The following SEZ6L2 variants were observed in gnomAD, a reference collection of about 807,000 sequenced individuals.
SEZ6L2 encodes seizure 6-like protein 2.
In SEZ6L2, 44 loss-of-function variants were observed where a neutral mutation model predicts 97.0. The observed-to-expected ratio is 0.45, with a 90% CI of 0.36 to 0.58. The LOEUF (loss-of-function observed/expected upper bound fraction) is 0.58. Among genes scored for constraint, SEZ6L2 ranks in the 20% least tolerant of loss-of-function variants. The pLI is 0.00. For synonymous variants in SEZ6L2, 543 were observed against 546.1 expected (o/e 0.99, Z 0.08); for missense variants, 1,086 against 1,233.3 (o/e 0.88, Z 1.79).
In SEZ6L2 at chr16:29,878,282, C is replaced by T; in HGVS notation, c.1712+5G>A. On this transcript the variant is annotated splice_donor_5th_base_variant and intron_variant, in intron 10 of 17. Transcript: ENST00000617533. ...CGTCGCACCCTCTGCAGGACCCAAA[C>T]ATACATCTCAACTTGGAGCAAGATG... The T allele has an allele frequency of 6.3e-7, 1 of 1,590,038 alleles. No individual in the cohort carries two copies. Among genetic ancestry groups the T allele is most frequent in the Non-Finnish European group, 8.6e-7 (1 of 1,166,256 alleles).
chr16:29,893,405 G>A (rs945921355), intron 5 of SEZ6L2, among the ~76,000 whole-genome samples: 2 of 152,002 alleles, frequency 1.3e-5, no homozygotes, highest in South Asian at 2.1e-4. Flanking sequence ...CCAGCACTTT[G>A]GGAGGCCAAG....
chr16:29,885,875 C>G (rs1227133105), intron 7 of SEZ6L2, 126 bp from the exon 8 acceptor site: 1 of 853,306 alleles, frequency 1.2e-6, no homozygotes, highest in East Asian at 2.7e-5. Flanking sequence ...ACGCACTCTT[C>G]TAAGCCCTTA....
rs186708279 is a variant in SEZ6L2 at position 29,882,410 on chromosome 16, C to G, written c.1373-2346G>C. ...TGACCACCATGGTGAAACTCCGTCT[C>G]TACTAAAAACACAAAAATTAGCTGG... On this transcript the variant is annotated intron_variant, in intron 8 of 17. Coordinates refer to ENST00000617533, the MANE Select transcript of SEZ6L2 (RefSeq NM_001243332.2). 5.0e-3 allele frequency among the ~76,000 whole-genome samples: 758 copies of G among 151,732 alleles called. 5 individuals are homozygous for G. Among genetic ancestry groups the G allele is most frequent in the African/African-American group, 0.016 (679 of 41,402 alleles).
Position 29,876,613 on chromosome 16 carries a change from G to T in SEZ6L2, c.2104+143C>A. 1.4e-6 allele frequency: 1 copy of T among 730,248 alleles called. No homozygotes were observed. The highest frequency in any genetic ancestry group is 1.9e-5 in the South Asian group (1 of 51,944). The allele number at this position is 730,248 out of a possible 1,614,324, so 45.2% of individuals were successfully genotyped here. ...GAGGAGTGAGAACTAAAGGGCATGG[G>T]GGCAGGCCTTGAAGAAGATCCAGGA... is the stretch of plus-strand genomic sequence containing the variant. On this transcript the variant is annotated intron_variant, in intron 12 of 17. Transcript: ENST00000617533. The surrounding 1 kb of genome is among the most constrained non-coding windows in gnomAD (Gnocchi z 6.5).
At chr16:29,872,074 G>C (rs988496599) in intron 17 of SEZ6L2, 113 bp downstream of exon 17, 4 of 854,364 alleles carry the variant, frequency 4.7e-6, no homozygotes, top group African/African-American at 1.7e-5. Context: ...ATGGCCTCTG[G>C]GGGCAGCTGA....
chr16:29,877,664 TA>T (rs1405608485), intron 10 of SEZ6L2, among the ~76,000 whole-genome samples, 197 bp from the exon 11 acceptor site: 2 of 152,224 alleles, frequency 1.3e-5, no homozygotes, highest in East Asian at 3.9e-4. Context: ...AGGGTTCCCC[TA>T]TTCTATGGCT....
At position 29,895,267 on chromosome 16, in the gene SEZ6L2, T is replaced by C. The variant is rs1490760986; in HGVS notation, c.845A>G (p.His282Arg). ...ACCCTCAAACTCCTCACCCTGATAG[T>C]GGATCCTGAAGCCACCGCCCCTTGG... ...RVPRGGGFRI[H>R]YQAYLLSCGF... Residue 282 changes from histidine (H) to arginine (R), a missense_variant, in exon 5 of 18, where the codon CAC becomes CGC. Around this residue, in one of 2 missense-constraint regions of SEZ6L2, gnomAD observed 776 missense variants for 794.7 expected, o/e 0.98. Transcript: ENST00000617533. 1 of 1,611,662 alleles carries C rather than the reference T, an allele frequency of 6.2e-7. No individual in the cohort carries two copies. Among genetic ancestry groups the C allele is most frequent in the South Asian group, 1.1e-5 (1 of 91,024 alleles).
chr16:29,885,880 C>G (rs756113366), intron 7 of SEZ6L2, 131 bp from the exon 8 acceptor site: 175 of 775,494 alleles, frequency 2.3e-4, no homozygotes, highest in Admixed American at 4.4e-4. Flanking sequence ...CTCTTCTAAG[C>G]CCTTACACAT....
intron 5 of SEZ6L2, 77 bp from the exon 6 acceptor site, chr16:29,888,802 C>G: frequency 7.4e-7 from 1 of 1,346,432 alleles, no homozygotes; most frequent in Non-Finnish European, 1.0e-6. Flanking sequence ...AGCACTTCCC[C>G]CCTCTCCTTT....
At chr16:29,882,056 G>A (rs1284263156) in intron 8 of SEZ6L2, among the ~76,000 whole-genome samples, 17 of 148,418 alleles carry the variant, frequency 1.1e-4, no homozygotes, top group Admixed American at 1.0e-3. Context: ...CTGCAAACTC[G>A]GCTTCCCAGG....
At chr16:29,877,131 A>G in intron 11 of SEZ6L2, 140 bp downstream of exon 11, 1 of 1,111,444 alleles carries the variant, frequency 9.0e-7, no homozygotes, top group Non-Finnish European at 1.3e-6. Context: ...TGCAGCCTCA[A>G]CCTCCTGGCT....
In SEZ6L2 at chr16:29,876,429, G is replaced by T. The variant is rs985909658; in HGVS notation, c.2104+327C>A. Among the ~76,000 whole-genome samples the T allele has an allele frequency of 6.6e-6, 1 of 152,060 alleles. No individual in the cohort carries two copies. The highest frequency in any genetic ancestry group is 1.5e-5 in the Non-Finnish European group (1 of 68,012). On this transcript the variant is annotated intron_variant, in intron 12 of 17. Coordinates refer to ENST00000617533, the MANE Select transcript of SEZ6L2 (RefSeq NM_001243332.2). The surrounding 1 kb of genome is among the most constrained non-coding windows in gnomAD (Gnocchi z 6.5). The stretch of plus-strand genomic sequence containing the variant: ...GAACCTGGTCGGAGCCCTTTTAGGG[G>T]CCAAACTCAGATGCCGCAGAGGAGG...
rs1481290465 is a variant in SEZ6L2, at chr16:29,876,470, G to A, written c.2104+286C>T. On this transcript the variant is annotated intron_variant, in intron 12 of 17. Transcript: ENST00000617533. This position sits in a 1 kb window ranked among gnomAD's most constrained non-coding sequence, Gnocchi z 6.5. Reference sequence around the variant, plus strand: ...GCAGAGGAGGGGTCAGGAGGGGACGGGGCGGGGCCGTGAGACGAGGAAACA... The same window carrying A: ...GCAGAGGAGGGGTCAGGAGGGGACGAGGCGGGGCCGTGAGACGAGGAAACA... Among the ~76,000 whole-genome samples the A allele has an allele frequency of 6.6e-6, 1 of 151,874 alleles. No individual in the cohort carries two copies. Among genetic ancestry groups the A allele is most frequent in the Non-Finnish European group, 1.5e-5 (1 of 67,962 alleles).
In SEZ6L2 at chr16:29,899,031, C is replaced by T. The variant is rs2068472022; in HGVS notation, c.-12G>A. The T allele has an allele frequency of 6.2e-7, 1 of 1,602,380 alleles. No homozygotes were observed. Among genetic ancestry groups the T allele is most frequent in the Non-Finnish European group, 8.5e-7 (1 of 1,174,694 alleles). On this transcript the variant is annotated 5_prime_UTR_variant, in exon 1 of 18. Coordinates refer to ENST00000617533, the MANE Select transcript of SEZ6L2 (RefSeq NM_001243332.2). ...CTGGGAGTCCCCATGGCGACTCACC[C>T]CGATCTCTCTCCTCTGTGCCTCTCT...
At position 29,871,332 on chromosome 16, in the gene SEZ6L2, G is replaced by T. The variant is rs2150774098; in HGVS notation, c.*367C>A. On this transcript the variant is annotated 3_prime_UTR_variant, in exon 18 of 18. Transcript: ENST00000617533. ...TCAGGCCTAGGGCCAGGGCATCTGG[G>T]AGGGGGGCACCTTCGTGGCCAAGGG... 2 of 355,476 alleles carry T rather than the reference G, an allele frequency of 5.6e-6. No individual in the cohort carries two copies. Among genetic ancestry groups the T allele is most frequent in the South Asian group, 6.7e-5 (2 of 29,916 alleles). 22.0% of individuals were successfully genotyped at this position (355,476 alleles called of 1,614,324 possible).
chr16:29,874,062 C>T (rs1042219403), intron 12 of SEZ6L2, among the ~76,000 whole-genome samples: 3 of 152,158 alleles, frequency 2.0e-5, no homozygotes, highest in Non-Finnish European at 4.4e-5. Context: ...TGCACACACA[C>T]GCACTTCCCA....
At chr16:29,877,223 T>C (rs746075964) in intron 11 of SEZ6L2, 48 bp downstream of exon 11, 1 of 1,488,822 alleles carries the variant, frequency 6.7e-7, no homozygotes, top group Admixed American at 2.4e-5. Flanking sequence ...TCCCGGGATC[T>C]CTGGCCTGCC....
In SEZ6L2 at chr16:29,879,312, G is replaced by A. The variant is rs1205334426; in HGVS notation, c.1573+552C>T. Among the ~76,000 whole-genome samples the A allele has an allele frequency of 4.6e-5, 7 of 150,838 alleles. No individual in the cohort carries two copies. The East Asian group carries it at 5.9e-4, about 13-fold the overall frequency. ...GCGATCTCGGCTCACCGCAACCTCC[G>A]CCTCCCGGGTTCAAGCGATTCTCCT... is the stretch of plus-strand genomic sequence containing the variant. On this transcript the variant is annotated intron_variant, in intron 9 of 17. Coordinates refer to ENST00000617533, the MANE Select transcript of SEZ6L2 (RefSeq NM_001243332.2).
At chr16:29,888,803 C>G in intron 5 of SEZ6L2, 78 bp from the exon 6 acceptor site, 2 of 1,336,246 alleles carry the variant, frequency 1.5e-6, no homozygotes, top group Non-Finnish European at 2.0e-6. Context: ...GCACTTCCCC[C>G]CTCTCCTTTC....
Sources: allele counts gnomAD v4.1 joint callset (sites outside exome capture counted in the v4.1 genomes callset), GRCh38; gene constraint gnomAD v4.1.1; regional missense constraint gnomAD v4.1.1; non-coding constraint Gnocchi (gnomAD v3.1); transcripts MANE v1.5; gene names NCBI Gene and HGNC (gene_info 2026-07-23, HGNC 2026-07-21).